MICALL2: variants seen among roughly 807,000 people sequenced by gnomAD.
The protein encoded by MICALL2 is MICAL-like protein 2.
Under a neutral mutation model 91.1 loss-of-function variants are expected in MICALL2, and 111 were observed. That is an observed-to-expected ratio of 1.22 (90% CI 1.04 to 1.43). The LOEUF is 1.43. Ranked by LOEUF, MICALL2 falls within the 40% of genes most tolerant of loss-of-function variation. The pLI is 0.00. For missense variants in MICALL2, 1,556 were observed against 1,236.0 expected, an observed-to-expected ratio of 1.26 and a Z score of -3.88; for synonymous variants, 694 against 525.3, an observed-to-expected ratio of 1.32 and a Z score of -4.39.
chr7:1,452,535 G>A lies in MICALL2; in HGVS notation c.144-2247C>T, dbSNP rs1284815406. ...GGAAAGAATGCCCGGACGGCCGGGA[G>A]GGCAGTGTCACAAGTCTGTTTTTTC... On this transcript the variant is annotated intron_variant, in intron 1 of 16. Transcript: ENST00000297508. This position sits in a 1 kb window ranked among gnomAD's most constrained non-coding sequence, Gnocchi z 6.2. 1.3e-5 allele frequency among the ~76,000 whole-genome samples: 2 copies of A among 152,186 alleles called. No homozygotes were observed. Among genetic ancestry groups the A allele is most frequent in the Non-Finnish European group, 2.9e-5 (2 of 68,028 alleles).
Position 1,455,760 on chromosome 7 carries a change from G to C in MICALL2, c.143+3424C>G, listed in dbSNP as rs111819409. Among the ~76,000 whole-genome samples, 9 of 152,082 alleles carry C rather than the reference G, an allele frequency of 5.9e-5. 1 individual carries two copies. The highest frequency in any genetic ancestry group is 2.2e-4 in the African/African-American group (9 of 41,528). ...AGGGCCAAGCGGAAGTGCTCTCTGC[G>C]TGCAGCAGGAAGGACTAAGGCCAGA... On this transcript the variant is annotated intron_variant, in intron 1 of 16. Transcript: ENST00000297508.
Position 1,438,973 on chromosome 7 carries a change from G to T in MICALL2, c.1989C>A (p.Arg663=). Residue 663 remains arginine (R), a synonymous_variant, in exon 10 of 17, where the codon CGC becomes CGA. Transcript: ENST00000297508. ...TGGCAGGGACGGCCAGTCTCCTGCG[G>T]CGGGGTGGGGAGGGGGACCTGGCTG... The part of the protein sequence containing the change: ...SLPARSPSPP[R]RRRLAVPASL... The T allele has an allele frequency of 6.3e-7, 1 of 1,597,858 alleles. No individual in the cohort carries two copies.
intron 5 of MICALL2, 109 bp from the exon 6 acceptor site, chr7:1,445,537 G>C: frequency 1.8e-6 from 2 of 1,139,816 alleles, no homozygotes; most frequent in African/African-American, 1.6e-5. Flanking sequence ...CCACTTGCGA[G>C]GTTGCTGAAC....
Position 1,445,114 on chromosome 7 carries a change from G to A in MICALL2, c.956C>T (p.Pro319Leu). ...TSATSVHVRSPARPSESRLAP... is the reference protein window; with the variant it reads ...TSATSVHVRSLARPSESRLAP... The stretch of plus-strand genomic sequence containing the variant: ...CAGGCGGCTCTCAGAGGGCCTGGCT[G>A]GGCTCCTCACGTGGACGGACGTGGC... The change falls in exon 6 of 17, where the codon CCA (proline) becomes CTA (leucine). Residue 319 changes from proline to leucine, a missense_variant. Transcript: ENST00000297508. The A allele has an allele frequency of 1.9e-6, 3 of 1,556,638 alleles. No individual in the cohort carries two copies. Among genetic ancestry groups the A allele is most frequent in the Non-Finnish European group, 1.7e-6 (2 of 1,151,166 alleles).
At chr7:1,449,056 C>G (rs937819188) in intron 2 of MICALL2, among the ~76,000 whole-genome samples, 1 of 152,268 alleles carries the variant, frequency 6.6e-6, no homozygotes, top group Non-Finnish European at 1.5e-5. Context: ...CAGGCCCCAC[C>G]CAACCCAGAC....
In MICALL2 at chr7:1,436,699, G is replaced by T; in HGVS notation, c.2591+43C>A. 3 of 1,489,474 alleles carry T rather than the reference G, an allele frequency of 2.0e-6. No homozygotes were observed. Among genetic ancestry groups the T allele is most frequent in the South Asian group, 2.4e-5 (2 of 83,230 alleles). The allele number at this position is 1,489,474 out of a possible 1,614,324, so 92.3% of individuals were successfully genotyped here. On this transcript the variant is annotated intron_variant, in intron 15 of 16. Transcript: ENST00000297508. Reference sequence around the variant, plus strand: ...TGAGGGCCGGGAGCATGGACCAGGCGACCTGGCCTGGCTGGGAGGGGCCCC... The same window carrying T: ...TGAGGGCCGGGAGCATGGACCAGGCTACCTGGCCTGGCTGGGAGGGGCCCC...
At chr7:1,444,297 G>A (rs1472390281) in intron 6 of MICALL2, among the ~76,000 whole-genome samples, 2 of 151,324 alleles carry the variant, frequency 1.3e-5, no homozygotes, top group Non-Finnish European at 2.9e-5. Context: ...CGCCAGCGTG[G>A]GTCCCGCTCG....
At chr7:1,447,370 C>A (rs1780645855) in intron 4 of MICALL2, among the ~76,000 whole-genome samples, 1 of 152,160 alleles carries the variant, frequency 6.6e-6, no homozygotes, top group Admixed American at 6.5e-5. Context: ...CCCATCTGTA[C>A]AAAGTGGGAT....
intron 4 of MICALL2, 87 bp from the exon 5 acceptor site, chr7:1,446,915 T>A (rs1780623801): frequency 1.1e-6 from 1 of 947,010 alleles, no homozygotes. Flanking sequence ...GAAGAGCCCA[T>A]CTTACAGATG....
Position 1,437,986 on chromosome 7 carries a change from G to GA in MICALL2, c.2312-7dup. On this transcript the variant is annotated splice_region_variant and splice_polypyrimidine_tract_variant and intron_variant, in intron 12 of 16. Coordinates refer to ENST00000297508, the MANE Select transcript of MICALL2 (RefSeq NM_182924.4). ...GAGGCTATCCTCAGCGTCATCTGGG[G>GA]AGAGGAGCCAGCTGGGGCAGGGGGG... is the stretch of plus-strand genomic sequence containing the variant. The GA allele has an allele frequency of 1.9e-6, 3 of 1,550,924 alleles. No homozygotes were observed. Among genetic ancestry groups the GA allele is most frequent in the Non-Finnish European group, 2.6e-6 (3 of 1,147,692 alleles).
intron 1 of MICALL2, among the ~76,000 whole-genome samples, chr7:1,458,722 C>T (rs1781106146): frequency 6.6e-6 from 1 of 152,224 alleles, no homozygotes; most frequent in Non-Finnish European, 1.5e-5. Flanking sequence ...GGCTTCCTGC[C>T]CTGCACTGGC....
chr7:1,438,603 G>C (rs981995865), intron 10 of MICALL2: 1 of 1,420,468 alleles, frequency 7.0e-7, no homozygotes, highest in Non-Finnish European at 9.2e-7. Flanking sequence ...AGTCCCTCAA[G>C]CTGCCAGAAG....
In MICALL2 at chr7:1,444,513, G is replaced by GA. The variant is rs947948827; in HGVS notation, c.1418+138dup. ...TCCTCCTCCCCATTCCCCAGAGAAG[G>GA]AAACAGGCTGGGGGAAGTGCAGTCC... On this transcript the variant is annotated intron_variant, in intron 6 of 16. Transcript: ENST00000297508. The GA allele has an allele frequency of 4.5e-5, 39 of 858,918 alleles. No individual in the cohort carries two copies. The Middle Eastern group carries it at 2.9e-3, about 63-fold the overall frequency. The allele number at this position is 858,918 out of a possible 1,614,324, so 53.2% of individuals were successfully genotyped here. A position where few individuals can be genotyped will look rare whatever the true frequency, so the allele number is the denominator to read the frequency against.
chr7:1,455,552 T>G (rs1418455402), intron 1 of MICALL2, among the ~76,000 whole-genome samples: 1 of 147,486 alleles, frequency 6.8e-6, no homozygotes, highest in Admixed American at 6.7e-5. Context: ...CACCTCTCTG[T>G]ACCTGTGGGG....
At chr7:1,444,609 C>G in intron 6 of MICALL2, 43 bp downstream of exon 6, 2 of 1,574,420 alleles carry the variant, frequency 1.3e-6, no homozygotes, top group Non-Finnish European at 1.7e-6. Context: ...CTGGCTGGTG[C>G]AAAGAGGCCA....
Position 1,438,000 on chromosome 7 carries a change from G to A in MICALL2, c.2312-20C>T, listed in dbSNP as rs144436438. ...CGTCATCTGGGGAGAGGAGCCAGCT[G>A]GGGCAGGGGGGCCCGCCAGAGTTCA... On this transcript the variant is annotated intron_variant, in intron 12 of 16. Transcript: ENST00000297508. 35 of 1,550,190 alleles carry A rather than the reference G, an allele frequency of 2.3e-5. No individual in the cohort carries two copies. The African/African-American group carries it at 3.4e-4, about 15-fold the overall frequency.
intron 9 of MICALL2, chr7:1,439,618 C>T (rs1364483260): frequency 3.8e-5 from 12 of 319,708 alleles, no homozygotes; most frequent in Non-Finnish European, 4.5e-5. Context: ...ACATCACATA[C>T]ATGAACAGAC....
rs142930229 is a variant in MICALL2, at chr7:1,444,824, C to A, written c.1246G>T (p.Ala416Ser). 1.6e-4 allele frequency: 265 copies of A among 1,609,980 alleles called. 1 individual carries two copies. The African/African-American group carries it at 2.6e-3, about 16-fold the overall frequency. ...WTPSASRTQQ[A>S]RNKFFQTSAV... The stretch of plus-strand genomic sequence containing the variant: ...GATGTTTGGAAAAACTTATTCCGGG[C>A]CTGCTGGGTCCTGGAGGCGGACGGG... The change falls in exon 6 of 17, where the codon GCC (alanine) becomes TCC (serine). Residue 416 changes from alanine (A) to serine (S), a missense_variant. Ala to Ser is a moderately conservative substitution (Grantham distance 99). Coordinates refer to ENST00000297508, the MANE Select transcript of MICALL2 (RefSeq NM_182924.4).
chr7:1,438,668 G>A (rs374635385), intron 10 of MICALL2, 172 bp downstream of exon 10: 184 of 1,440,802 alleles, frequency 1.3e-4, no homozygotes, highest in African/African-American at 8.8e-4. Flanking sequence ...AACAGCTAGG[G>A]TCTCTATTCA....
Sources: allele counts gnomAD v4.1 joint callset (sites outside exome capture counted in the v4.1 genomes callset), GRCh38; gene constraint gnomAD v4.1.1; non-coding constraint Gnocchi (gnomAD v3.1); transcripts MANE v1.5; gene names NCBI Gene and HGNC (gene_info 2026-07-23, HGNC 2026-07-21).